Variants in ABCB9 observed in about 807,000 individuals in gnomAD.
The protein encoded by ABCB9 is ABC-type oligopeptide transporter ABCB9.
A neutral mutation model predicts 62.0 loss-of-function variants in ABCB9; 36 were observed. The ratio of observed to expected loss-of-function variants is 0.58; its 90% CI spans 0.45 to 0.77. The LOEUF (loss-of-function observed/expected upper bound fraction) is 0.77. ABCB9 is among the 30% of genes least tolerant of loss of function. The probability of loss-of-function intolerance (pLI) is 0.00; values close to 1 mark genes in which losing one functional copy is unlikely to be tolerated. For synonymous variants in ABCB9, 435 were observed against 461.4 expected (o/e 0.94, Z 0.73); for missense variants, 943 against 1,054.7 (o/e 0.89, Z 1.47).
At position 122,959,814 on chromosome 12, in the gene ABCB9, C is replaced by A. The variant is rs200138233; in HGVS notation, c.422G>T (p.Arg141Leu). The change falls in exon 2 of 12, where the codon CGG becomes CTG. Residue 141 changes from arginine to leucine, a missense_variant. Physicochemically the swap from Arg to Leu is moderately radical, Grantham distance 102. Coordinates refer to ENST00000280560, the MANE Select transcript of ABCB9 (RefSeq NM_019625.4). The surrounding 1 kb of genome is among the most constrained non-coding windows in gnomAD (Gnocchi z 5.4). ...FLLWWLLSTV[R>L]PGTQALEPGA... ...TGGCTCCAGGGCCTGGGTGCCTGGC[C>A]GCACGGTGGACAGCAGCCACCAGAG... is the stretch of plus-strand genomic sequence containing the variant. 1.9e-6 allele frequency: 3 copies of A among 1,612,462 alleles called. No individual in the cohort carries two copies. The African/African-American group carries it at 4.0e-5, about 22-fold the overall frequency.
intron 2 of ABCB9, among the ~76,000 whole-genome samples, chr12:122,955,841 A>G (rs941143247): frequency 6.6e-6 from 1 of 151,786 alleles, no homozygotes; most frequent in African/African-American, 2.4e-5. Flanking sequence ...CCTTCTGAGT[A>G]GCTGGGATTA....
intron 7 of ABCB9, among the ~76,000 whole-genome samples, chr12:122,942,598 G>C (rs911057684): frequency 1.5e-5 from 2 of 133,508 alleles, no homozygotes; most frequent in African/African-American, 5.7e-5. Context: ...CAGCCTGGGC[G>C]ACAGAGCAAG....
chr12:122,945,056 C>T lies in ABCB9; in HGVS notation c.1252-537G>A, dbSNP rs536069079. On this transcript the variant is annotated intron_variant, in intron 6 of 11. Transcript: ENST00000280560. The stretch of plus-strand genomic sequence containing the variant: ...GGGACTCCATCTGTCCTCCTCATGC[C>T]CAGCCAGAACTAGGCTGCTGTCTGG... Among the ~76,000 whole-genome samples the T allele has an allele frequency of 1.5e-4, 23 of 152,284 alleles. No homozygotes were observed. The South Asian group carries it at 2.5e-3, about 16-fold the overall frequency.
chr12:122,923,921 C>G (rs1308885735), intron 11 of ABCB9, among the ~76,000 whole-genome samples: 2 of 152,166 alleles, frequency 1.3e-5, no homozygotes, highest in Non-Finnish European at 2.9e-5. Flanking sequence ...ACAGACCAGT[C>G]CAGTCGACAG....
At chr12:122,950,737 C>T in intron 2 of ABCB9, 172 bp from the exon 3 acceptor site, 1 of 577,074 alleles carries the variant, frequency 1.7e-6, no homozygotes, top group Middle Eastern at 4.7e-4. Context: ...CTTAATGCCC[C>T]CCTCCTCAGA....
downstream of ABCB9, among the ~76,000 whole-genome samples, chr12:122,927,326 C>T (rs2034934082): frequency 6.6e-6 from 1 of 152,134 alleles, no homozygotes; most frequent in African/African-American, 2.4e-5. Context: ...CGTGTGCCAA[C>T]ACGCCCGGCT....
rs375158879 is a variant in ABCB9, at chr12:122,950,430, C to T, written c.716+21G>A. ...GCAGGTCGGGGTGTGCGGGGCAGGGCGTGGGGGTTGAGCCAGCTACCTGCC... is the reference window on the plus strand; with the variant it reads ...GCAGGTCGGGGTGTGCGGGGCAGGGTGTGGGGGTTGAGCCAGCTACCTGCC... On this transcript the variant is annotated intron_variant, in intron 3 of 11. Coordinates refer to ENST00000280560, the MANE Select transcript of ABCB9 (RefSeq NM_019625.4). The T allele has an allele frequency of 4.0e-5, 64 of 1,595,796 alleles. No individual in the cohort carries two copies. In the Middle Eastern group the frequency reaches 5.0e-4, roughly 13 times the overall value.
chr12:122,950,921 T>C (rs189375032), intron 2 of ABCB9: 73 of 181,026 alleles, frequency 4.0e-4, no homozygotes, highest in Non-Finnish European at 7.3e-4. Context: ...CATAGCTCAC[T>C]GCAGCATCAA....
rs1465045015 is a variant in ABCB9 at position 122,940,177 on chromosome 12, C to T, written c.1677G>A (p.Glu559=). 2 of 1,613,660 alleles carry T rather than the reference C, an allele frequency of 1.2e-6. No individual in the cohort carries two copies. The highest frequency in any genetic ancestry group is 2.7e-5 in the African/African-American group (2 of 74,928). The change falls in exon 9 of 12, where the codon GAG becomes GAA. Residue 559 remains glutamate, a synonymous_variant. Coordinates refer to ENST00000280560, the MANE Select transcript of ABCB9 (RefSeq NM_019625.4). This position sits in a 1 kb window ranked among gnomAD's most constrained non-coding sequence, Gnocchi z 4.8. ...TGCCGTCCAGCAGCACCCGGCCCCC[C>T]TCCAGGGGGTAGAAGTTCTCCAGGA... ...VNILENFYPL[E]GGRVLLDGKP...
chr12:122,965,724 G>C (rs1314173832), intron 1 of ABCB9, among the ~76,000 whole-genome samples: 1 of 151,686 alleles, frequency 6.6e-6, no homozygotes, highest in African/African-American at 2.4e-5. Context: ...GGCCGGGGGA[G>C]GAGGCTTTTT....
rs1430211772 is a variant in ABCB9, at chr12:122,929,873, G to A, written c.*38C>T. ...TGGGCACATCTGCCAGGCAGGCACC[G>A]GGTCCTCTGCCCCACCGGGAGAAGC... is the stretch of plus-strand genomic sequence containing the variant. On this transcript the variant is annotated 3_prime_UTR_variant, in exon 12 of 12. Transcript: ENST00000280560. The surrounding 1 kb of genome is among the most constrained non-coding windows in gnomAD (Gnocchi z 6.0). 1.1e-5 allele frequency: 16 copies of A among 1,498,034 alleles called. No individual in the cohort carries two copies. Among genetic ancestry groups the A allele is most frequent in the African/African-American group, 2.8e-5 (2 of 72,378 alleles). The allele number at this position is 1,498,034 out of a possible 1,614,324, so 92.8% of individuals were successfully genotyped here.
chr12:122,925,614 G>A (rs537020471), downstream of ABCB9, among the ~76,000 whole-genome samples: 34 of 152,216 alleles, frequency 2.2e-4, 1 homozygote, highest in South Asian at 6.9e-3. Context: ...TGGGTGTGGC[G>A]GTGGGCGCCT....
chr12:122,965,527 G>A (rs918834772), intron 1 of ABCB9, among the ~76,000 whole-genome samples: 1 of 152,088 alleles, frequency 6.6e-6, no homozygotes, highest in East Asian at 1.9e-4. Context: ...CCCACGTGGG[G>A]CCCAGCCTCA....
downstream of ABCB9, among the ~76,000 whole-genome samples, chr12:122,926,831 T>C (rs1227836525): frequency 6.6e-6 from 1 of 152,116 alleles, no homozygotes; most frequent in African/African-American, 2.4e-5. Flanking sequence ...GCCCAGAAGG[T>C]TGAGGCTACA....
At chr12:122,938,970 G>A (rs527873633) in intron 9 of ABCB9, among the ~76,000 whole-genome samples, 1 of 152,184 alleles carries the variant, frequency 6.6e-6, no homozygotes, top group Admixed American at 6.5e-5. Context: ...TCAAGGGTTC[G>A]AGACCAGCCT....
At chr12:122,935,149 G>A (rs11612477) in intron 10 of ABCB9, 123 bp downstream of exon 10, 11 of 1,215,512 alleles carry the variant, frequency 9.0e-6, no homozygotes, top group Admixed American at 3.0e-5. Flanking sequence ...CCAGGGTAAC[G>A]TAGCGGGACC....
At position 122,930,084 on chromosome 12, in the gene ABCB9, T is replaced by C. The variant is rs1339876592; in HGVS notation, c.2128A>G (p.Ile710Val). ...RLSTVEHAHL[I>V]VVLDKGRVVQ... Reference sequence around the variant, plus strand: ...ACGCGGCCCTTGTCCAGCACCACAATGAGGTGCGCGTGCTCCACGGTGCTC... The same window carrying C: ...ACGCGGCCCTTGTCCAGCACCACAACGAGGTGCGCGTGCTCCACGGTGCTC... The change falls in exon 12 of 12, where the codon ATT (isoleucine) becomes GTT (valine). Residue 710 changes from isoleucine to valine, a missense_variant. By Grantham distance (29) the Ile-to-Val change is conservative. Coordinates refer to ENST00000280560, the MANE Select transcript of ABCB9 (RefSeq NM_019625.4). The surrounding 1 kb of genome is among the most constrained non-coding windows in gnomAD (Gnocchi z 4.9). 3 of 1,562,538 alleles carry C rather than the reference T, an allele frequency of 1.9e-6. No homozygotes were observed. The highest frequency in any genetic ancestry group is 1.7e-6 in the Non-Finnish European group (2 of 1,153,556).
chr12:122,965,824 C>G (rs1236407903), intron 1 of ABCB9, among the ~76,000 whole-genome samples: 5 of 152,198 alleles, frequency 3.3e-5, no homozygotes, highest in African/African-American at 1.2e-4. Flanking sequence ...GCAGCGGCAG[C>G]CCACTGGCCT....
downstream of ABCB9, among the ~76,000 whole-genome samples, chr12:122,919,542 G>A (rs2034697246): frequency 6.6e-6 from 1 of 152,038 alleles, no homozygotes; most frequent in African/African-American, 2.4e-5. Context: ...ACCCAAAGCT[G>A]GTACCTCCTT....
Sources: allele counts gnomAD v4.1 joint callset (sites outside exome capture counted in the v4.1 genomes callset), GRCh38; gene constraint gnomAD v4.1.1; non-coding constraint Gnocchi (gnomAD v3.1); transcripts MANE v1.5; gene names NCBI Gene and HGNC (gene_info 2026-07-23, HGNC 2026-07-21).